Variants in ZNF841 observed in about 807,000 individuals in gnomAD.
The protein encoded by ZNF841 is zinc finger protein 841.
Under a neutral mutation model 13.0 loss-of-function variants are expected in ZNF841, and 11 were observed. That is an observed-to-expected ratio of 0.85 (90% CI 0.53 to 1.40). The LOEUF is 1.40. Ranked by LOEUF, ZNF841 falls within the 40% of genes most tolerant of loss-of-function variation. The pLI is 0.00. For synonymous variants in ZNF841, 369 were observed against 381.6 expected (o/e 0.97, Z 0.38); for missense variants, 1,068 against 1,139.5 (o/e 0.94, Z 0.90).
chr19:52,061,470 A>T (rs1438676358), downstream of ZNF841, among the ~76,000 whole-genome samples: 1 of 152,134 alleles, frequency 6.6e-6, no homozygotes, highest in Non-Finnish European at 1.5e-5. Context: ...GCAATCTGTC[A>T]AACTCCCAGA....
At chr19:52,060,098 T>C (rs1038616352), downstream of ZNF841, among the ~76,000 whole-genome samples, 6 of 152,312 alleles carry the variant, frequency 3.9e-5, no homozygotes, top group Admixed American at 3.9e-4. Context: ...TGGAGTGTAC[T>C]TTCATTTTCA....
At position 52,065,566 on chromosome 19, in the gene ZNF841, C is replaced by T; in HGVS notation, c.2316G>A (p.Lys772=). The change falls in exon 7 of 7, where the codon AAG becomes AAA. Residue 772 remains lysine, a synonymous_variant. Transcript: ENST00000594440. ...CGAGGCCTGAGCGATAACGGAAGACCTTGCCACATTCATTACATTTGTAAG... is the reference window on the plus strand; with the variant it reads ...CGAGGCCTGAGCGATAACGGAAGACTTTGCCACATTCATTACATTTGTAAG... ...EKPYKCNECG[K]VFRYRSGLAR... 1 of 1,613,826 alleles carries T rather than the reference C, an allele frequency of 6.2e-7. No individual in the cohort carries two copies. The highest frequency in any genetic ancestry group is 1.3e-5 in the African/African-American group (1 of 74,984).
rs2087600454 is a variant in ZNF841 at position 52,067,109 on chromosome 19, T to C, written c.773A>G (p.Glu258Gly). ...ACACTCATTACCTATGTAAGGTTTTTCCCTAATATGTGTTTTCTCGTCTTG... is the reference window on the plus strand; with the variant it reads ...ACACTCATTACCTATGTAAGGTTTTCCCCTAATATGTGTTTTCTCGTCTTG... ...PTQDEKTHIR[E>G]KPYIGNECGK... The change falls in exon 7 of 7, where the codon GAA becomes GGA. Residue 258 changes from glutamate (E) to glycine (G), a missense_variant. Glu to Gly is a moderately conservative substitution (Grantham distance 98). Coordinates refer to ENST00000594440, the MANE Select transcript of ZNF841 (RefSeq NM_001136499.2). 2.5e-6 allele frequency: 4 copies of C among 1,583,348 alleles called. No homozygotes were observed. The highest frequency in any genetic ancestry group is 2.3e-5 in the South Asian group (2 of 87,920).
downstream of ZNF841, among the ~76,000 whole-genome samples, chr19:52,059,487 T>C (rs1413341737): frequency 3.3e-5 from 5 of 149,764 alleles, no homozygotes; most frequent in African/African-American, 1.2e-4. Context: ...AGTGAAATAA[T>C]TAGAATGATA....
intron 4 of ZNF841, among the ~76,000 whole-genome samples, chr19:52,078,579 A>G (rs970490989): frequency 2.6e-5 from 4 of 151,458 alleles, no homozygotes; most frequent in African/African-American, 4.9e-5. Flanking sequence ...GGCGCCTGTA[A>G]TCCCAGCTAC....
intron 4 of ZNF841, among the ~76,000 whole-genome samples, chr19:52,084,417 T>C (rs1250384573): frequency 6.6e-6 from 1 of 152,206 alleles, no homozygotes; most frequent in Non-Finnish European, 1.5e-5. Flanking sequence ...CATATTAACA[T>C]GTGACTTCCA....
chr19:52,089,447 A>T (rs2088397061), intron 2 of ZNF841, among the ~76,000 whole-genome samples: 1 of 152,080 alleles, frequency 6.6e-6, no homozygotes, highest in African/African-American at 2.4e-5. Context: ...GTTCCAGACC[A>T]GACTGGGCAA....
At chr19:52,084,566 C>T (rs942099618) in intron 4 of ZNF841, among the ~76,000 whole-genome samples, 7 of 152,148 alleles carry the variant, frequency 4.6e-5, no homozygotes, top group African/African-American at 1.7e-4. Flanking sequence ...TGAGCCCTTC[C>T]CAGGACCATG....
chr19:52,083,580 T>C (rs1181388895), intron 4 of ZNF841, among the ~76,000 whole-genome samples: 1 of 152,150 alleles, frequency 6.6e-6, no homozygotes, highest in African/African-American at 2.4e-5. Context: ...CATTTTATGC[T>C]CAATTTTCTT....
chr19:52,086,388 C>A (rs2088275962), intron 3 of ZNF841, among the ~76,000 whole-genome samples: 1 of 152,168 alleles, frequency 6.6e-6, no homozygotes, highest in Non-Finnish European at 1.5e-5. Context: ...CCCTCACTCT[C>A]TCTTGCTCCT....
downstream of ZNF841, among the ~76,000 whole-genome samples, chr19:52,060,253 C>T (rs2087375319): frequency 1.3e-5 from 2 of 152,204 alleles, no homozygotes; most frequent in Non-Finnish European, 2.9e-5. Context: ...GTGAGCTAGC[C>T]AGGAGAGAAG....
rs1158578453 is a variant in ZNF841 at position 52,090,650 on chromosome 19, GGAAGGAAAGAAA to G, written c.-143-1660_-143-1649del. Among the ~76,000 whole-genome samples, 214 of 58,920 alleles carry G rather than the reference GGAAGGAAAGAAA, an allele frequency of 3.6e-3. 1 individual carries two copies. The highest frequency in any genetic ancestry group is 5.1e-3 in the African/African-American group (74 of 14,468). The allele number at this position is 58,920 out of a possible 152,430, so 38.7% of individuals were successfully genotyped here. A position where few individuals can be genotyped will look rare whatever the true frequency, so the allele number is the denominator to read the frequency against. ...AAGAAAGAAGGAAGGAAGGAAGGAA[GGAAGGAAAGAAA>G]GAAAGAAAGAAAGAAAGAAAGAAAG... On this transcript the variant is annotated intron_variant, in intron 2 of 6. Transcript: ENST00000594440.
At chr19:52,063,609 A>G (rs947557440), downstream of ZNF841, 1 of 152,220 alleles carries the variant, frequency 6.6e-6, no homozygotes, top group Non-Finnish European at 1.5e-5. Context: ...CGGCCTCCCA[A>G]AGTGCTGGGA....
chr19:52,083,265 G>A (rs917194719), intron 4 of ZNF841, among the ~76,000 whole-genome samples: 2 of 151,904 alleles, frequency 1.3e-5, no homozygotes, highest in Non-Finnish European at 2.9e-5. Flanking sequence ...GAATGTGACA[G>A]GGAAAAGGAA....
chr19:52,090,507 G>A (rs2088433710), intron 2 of ZNF841, among the ~76,000 whole-genome samples: 1 of 151,844 alleles, frequency 6.6e-6, no homozygotes, highest in Admixed American at 6.6e-5. Context: ...CCTGAGGCAG[G>A]AGGGTTGCCT....
rs773350296 is a variant in ZNF841 at position 52,066,488 on chromosome 19, A to G, written c.1394T>C (p.Val465Ala). 43 of 1,613,674 alleles carry G rather than the reference A, an allele frequency of 2.7e-5. 1 individual carries two copies. The highest frequency in any genetic ancestry group is 3.4e-5 in the Non-Finnish European group (40 of 1,179,918). ...TPYKCNECGK[V>A]FFQRSRLAGH... The stretch of plus-strand genomic sequence containing the variant: ...TGCAAGACGTGAACGTTGAAAGAAG[A>G]CCTTGCCACATTCATTACATTTGTA... Residue 465 changes from valine (V) to alanine (A), a missense_variant, in exon 7 of 7, where the codon GTC (valine) becomes GCC (alanine). Transcript: ENST00000594440.
At chr19:52,081,460 T>C (rs1421479656) in intron 4 of ZNF841, among the ~76,000 whole-genome samples, 5 of 152,180 alleles carry the variant, frequency 3.3e-5, no homozygotes, top group Admixed American at 6.5e-5. Context: ...AGTTAAAAGA[T>C]AGCACACACA....
rs149093172 is a variant in ZNF841, at chr19:52,090,089, G to T, written c.-143-1087C>A. 8.2e-4 allele frequency among the ~76,000 whole-genome samples: 125 copies of T among 152,242 alleles called. 1 individual carries two copies. The highest frequency in any genetic ancestry group is 2.7e-3 in the African/African-American group (114 of 41,552). On this transcript the variant is annotated intron_variant, in intron 2 of 6. Coordinates refer to ENST00000594440, the MANE Select transcript of ZNF841 (RefSeq NM_001136499.2). ...GCATTGGCTAGATTAAGTTCAGTGAGGATGTCTCAGAAGAGGGGCCCTAAA... is the reference window on the plus strand; with the variant it reads ...GCATTGGCTAGATTAAGTTCAGTGATGATGTCTCAGAAGAGGGGCCCTAAA...
At chr19:52,058,729 TAAC>T in the ZNF841 span, 11 of 153,134 alleles carry the variant, frequency 7.2e-5, no homozygotes, top group Non-Finnish European at 1.6e-4. Context: ...AAAAATTGAA[TAAC>T]AAAAAAGCCA....
Sources: allele counts gnomAD v4.1 joint callset (sites outside exome capture counted in the v4.1 genomes callset), GRCh38; gene constraint gnomAD v4.1.1; transcripts MANE v1.5; gene names NCBI Gene and HGNC (gene_info 2026-07-23, HGNC 2026-07-21).